Variants in SYT12 observed in about 807,000 individuals in gnomAD.
SYT12 encodes synaptotagmin-12.
Under a neutral mutation model 39.5 loss-of-function variants are expected in SYT12, and 27 were observed. The ratio of observed to expected loss-of-function variants is 0.68; its 90% CI spans 0.50 to 0.94. The LOEUF (loss-of-function observed/expected upper bound fraction) is 0.94, where lower values mean the gene tolerates loss of function less well. Ranked by LOEUF, SYT12 falls within the 40% of genes least tolerant of loss-of-function variation. The pLI is 0.00. For missense variants in SYT12, 536 were observed against 572.6 expected, an observed-to-expected ratio of 0.94 and a Z score of 0.65; for synonymous variants, 233 against 239.7, an observed-to-expected ratio of 0.97 and a Z score of 0.26.
intron 1 of SYT12, among the ~76,000 whole-genome samples, chr11:67,023,768 G>A (rs1950143930): frequency 6.6e-6 from 1 of 152,138 alleles, no homozygotes; most frequent in Non-Finnish European, 1.5e-5. Flanking sequence ...CCTCACTTTC[G>A]CATTCAGCGC....
Position 67,028,447 on chromosome 11 carries a change from T to C in SYT12, c.-23-1675T>C, listed in dbSNP as rs892348399. 4 of 152,262 alleles carry C rather than the reference T, an allele frequency of 2.6e-5. No homozygotes were observed. The East Asian group carries it at 5.8e-4, about 22-fold the overall frequency. 9.4% of individuals were successfully genotyped at this position (152,262 alleles called of 1,614,324 possible). On this transcript the variant is annotated intron_variant, in intron 1 of 7. Coordinates refer to ENST00000527043, the MANE Select transcript of SYT12 (RefSeq NM_177963.4). ...TGGCTGTGCACCTTATCTGACCTGC[T>C]TCTAGAGGCTCCTGGGCACCTCCAG...
At chr11:67,007,663 C>T (rs1949981936) in intron 1 of SYT12, among the ~76,000 whole-genome samples, 2 of 152,134 alleles carry the variant, frequency 1.3e-5, no homozygotes, top group African/African-American at 4.8e-5. Flanking sequence ...CTCCCGGGTT[C>T]AAGCGATTCT....
intron 1 of SYT12, among the ~76,000 whole-genome samples, chr11:67,025,368 G>A (rs975707578): frequency 6.6e-6 from 1 of 152,190 alleles, no homozygotes; most frequent in African/African-American, 2.4e-5. Flanking sequence ...TGCAGTTTAG[G>A]GTCTGGGGAT....
In SYT12 at chr11:67,048,800, G is replaced by A. The variant is rs367960636; in HGVS notation, c.*43G>A. 5.0e-5 allele frequency: 78 copies of A among 1,571,670 alleles called. 1 individual carries two copies. Among genetic ancestry groups the A allele is most frequent in the Non-Finnish European group, 6.5e-5 (75 of 1,154,168 alleles). Reference sequence around the variant, plus strand: ...TTGGGCAATGGAGCTGCTGGAGCCCGGTACCCACTCAGCTCTGTCTGATGC... The same window carrying A: ...TTGGGCAATGGAGCTGCTGGAGCCCAGTACCCACTCAGCTCTGTCTGATGC... On this transcript the variant is annotated 3_prime_UTR_variant, in exon 8 of 8. Transcript: ENST00000527043.
intron 3 of SYT12, among the ~76,000 whole-genome samples, chr11:67,014,648 G>C (rs1243170925): frequency 6.6e-6 from 1 of 152,210 alleles, no homozygotes; most frequent in East Asian, 1.9e-4. Flanking sequence ...GATCACAGTG[G>C]AGGTAGGACT....
At chr11:67,038,294 G>A (rs180944512) in intron 3 of SYT12, among the ~76,000 whole-genome samples, 2 of 152,052 alleles carry the variant, frequency 1.3e-5, no homozygotes, top group Admixed American at 6.5e-5. Context: ...AGCCTCCTGA[G>A]TAGCTGAGAT....
intron 6 of SYT12, among the ~76,000 whole-genome samples, chr11:67,045,125 G>C (rs1950590947): frequency 6.6e-6 from 1 of 152,124 alleles, no homozygotes; most frequent in African/African-American, 2.4e-5. Flanking sequence ...CCAGGGCCAC[G>C]GGGTTGGGGT....
chr11:67,034,590 GT>G, intron 2 of SYT12, 54 bp from the exon 3 acceptor site: 1 of 1,507,428 alleles, frequency 6.6e-7, no homozygotes, highest in Non-Finnish European at 8.9e-7. Flanking sequence ...TGCTCCCCGG[GT>G]GGGGGTCTGT....
chr11:67,034,530 A>G, intron 2 of SYT12, 115 bp from the exon 3 acceptor site: 1 of 875,012 alleles, frequency 1.1e-6, no homozygotes, highest in Admixed American at 3.6e-5. Context: ...TCCAGCACCT[A>G]GCACATAGTA....
intron 1 of SYT12, among the ~76,000 whole-genome samples, chr11:67,024,232 T>C (rs1950150913): frequency 6.6e-6 from 1 of 152,228 alleles, no homozygotes; most frequent in South Asian, 2.1e-4. Context: ...CCATGGAATG[T>C]CAGCTCCTTC....
chr11:67,022,474 G>A (rs1456574403), upstream of SYT12, among the ~76,000 whole-genome samples: 2 of 152,196 alleles, frequency 1.3e-5, no homozygotes, highest in African/African-American at 2.4e-5. Flanking sequence ...GCCAGACTGC[G>A]CGGGCAGGGA....
chr11:67,010,985 A>G (rs770752470), exon 3 of SYT12: 3 of 152,302 alleles, frequency 2.0e-5, no homozygotes, highest in Non-Finnish European at 4.4e-5. Flanking sequence ...AACAAACATC[A>G]TATTTCACAG....
intron 3 of SYT12, 54 bp downstream of exon 3, chr11:67,034,892 A>G (rs779228224): frequency 4.7e-5 from 65 of 1,369,436 alleles, no homozygotes; most frequent in Non-Finnish European, 5.7e-5. Flanking sequence ...TGCCCCTACC[A>G]TCCACTCAGA....
At chr11:67,033,703 G>T (rs1168195839) in intron 2 of SYT12, among the ~76,000 whole-genome samples, 1 of 152,198 alleles carries the variant, frequency 6.6e-6, no homozygotes, top group Non-Finnish European at 1.5e-5. Context: ...GCAGTACTAA[G>T]AGCAGTTTAG....
At chr11:67,023,743 C>T (rs1313075413) in intron 1 of SYT12, among the ~76,000 whole-genome samples, 1 of 152,222 alleles carries the variant, frequency 6.6e-6, no homozygotes, top group African/African-American at 2.4e-5. Flanking sequence ...CCCGCGCCCA[C>T]GCTGCACACA....
chr11:67,044,463 A>G (rs532094537), intron 5 of SYT12, 130 bp from the exon 6 acceptor site: 2 of 1,284,098 alleles, frequency 1.6e-6, no homozygotes, highest in South Asian at 1.6e-5. Flanking sequence ...GCCCTGTGGT[A>G]AGGGGCCCCC....
At chr11:67,041,885 G>A (rs1591374237) in intron 4 of SYT12, among the ~76,000 whole-genome samples, 1 of 152,312 alleles carries the variant, frequency 6.6e-6, no homozygotes, top group East Asian at 1.9e-4. Context: ...GAAGGGTGGA[G>A]AATAAAGCGT....
At chr11:67,019,803 G>C (rs1950090189), upstream of SYT12, among the ~76,000 whole-genome samples, 1 of 151,740 alleles carries the variant, frequency 6.6e-6, no homozygotes. Context: ...AGGCTGAGGT[G>C]GGAGGATCAC....
chr11:67,048,618 G>A lies in SYT12; in HGVS notation c.1127G>A (p.Ser376Asn), dbSNP rs144116663. The change falls in exon 8 of 8, where the codon AGC becomes AAC. Residue 376 changes from serine (S) to asparagine (N), a missense_variant. By Grantham distance (46) the Ser-to-Asn change is conservative. Transcript: ENST00000527043. ...LSLRVTVAES[S>N]SDGRGDNVGH... is the part of the protein sequence containing the mutation. ...CTCCGCGTGACGGTGGCTGAGAGCA[G>A]CAGCGACGGCCGTGGGGACAACGTG... is the stretch of plus-strand genomic sequence containing the variant. The A allele has an allele frequency of 3.7e-6, 6 of 1,607,748 alleles. No homozygotes were observed. The highest frequency in any genetic ancestry group is 1.3e-5 in the African/African-American group (1 of 74,852).
Sources: allele counts gnomAD v4.1 joint callset (sites outside exome capture counted in the v4.1 genomes callset), GRCh38; gene constraint gnomAD v4.1.1; transcripts MANE v1.5; gene names NCBI Gene and HGNC (gene_info 2026-07-23, HGNC 2026-07-21).